The following ZDHHC11B variants were observed in gnomAD, a reference collection of about 807,000 sequenced individuals.
ZDHHC11B encodes zDHHC palmitoyltransferase 11B (putative).
ZDHHC11B carries 17 observed loss-of-function variants against 42.3 expected under a neutral mutation model. That is an observed-to-expected ratio of 0.40 (90% CI 0.27 to 0.60). The LOEUF is 0.60. Among genes scored for constraint, ZDHHC11B ranks in the 20% least tolerant of loss-of-function variants. ZDHHC11B has a pLI of 0.41. For synonymous variants in ZDHHC11B, 123 were observed against 193.5 expected, an observed-to-expected ratio of 0.64 and a Z score of 3.02; for missense variants, 262 against 463.2, an observed-to-expected ratio of 0.57 and a Z score of 3.99.
intron 1 of ZDHHC11B, among the ~76,000 whole-genome samples, chr5:780,655 G>T (rs1706560840): frequency 7.2e-6 from 1 of 138,586 alleles, no homozygotes; most frequent in Non-Finnish European, 1.5e-5. Context: ...ACTGCAGGTG[G>T]GCTGTGCCAG....
intron 3 of ZDHHC11B, 146 bp downstream of exon 3, chr5:767,246 G>T: frequency 9.7e-7 from 1 of 1,034,750 alleles, no homozygotes; most frequent in Non-Finnish European, 1.4e-6. Context: ...GTGGATGACT[G>T]AAAGCAACGG....
At chr5:765,854 G>T (rs1309090781) in intron 4 of ZDHHC11B, among the ~76,000 whole-genome samples, 1 of 151,924 alleles carries the variant, frequency 6.6e-6, no homozygotes, top group Non-Finnish European at 1.5e-5. Flanking sequence ...GCGAGGGTCT[G>T]CGGCTTCATT....
chr5:720,116 T>G lies in ZDHHC11B; in HGVS notation c.1059-3251A>C, dbSNP rs1478835900. ...GAGACTACTCTATTTAAAGAAATAA[T>G]GGCTGAAAACTTTCCAAATCTAATT... On this transcript the variant is annotated intron_variant, in intron 12 of 13. Coordinates refer to ENST00000508859, the MANE Select transcript of ZDHHC11B (RefSeq NM_001351303.2). 1.3e-5 allele frequency among the ~76,000 whole-genome samples: 2 copies of G among 151,770 alleles called. 1 individual carries two copies. Among genetic ancestry groups the G allele is most frequent in the Non-Finnish European group, 2.9e-5 (2 of 67,984 alleles).
At chr5:765,721 C>A (rs533784578) in intron 4 of ZDHHC11B, among the ~76,000 whole-genome samples, 3 of 151,930 alleles carry the variant, frequency 2.0e-5, no homozygotes, top group Non-Finnish European at 4.4e-5. Flanking sequence ...CAGTGAAGGT[C>A]TGCAGCTTCA....
intron 6 of ZDHHC11B, among the ~76,000 whole-genome samples, chr5:754,579 TG>T (rs1746340224): frequency 8.3e-6 from 1 of 119,854 alleles, no homozygotes; most frequent in African/African-American, 2.9e-5. Context: ...ACCTCTCATC[TG>T]TGAGCCTCCA....
intron 9 of ZDHHC11B, among the ~76,000 whole-genome samples, chr5:744,742 A>G (rs1374742982): frequency 4.0e-5 from 6 of 148,236 alleles, no homozygotes; most frequent in Non-Finnish European, 6.0e-5. Context: ...GTAGTGGCAT[A>G]CATCTGCGAT....
chr5:777,198 T>C (rs1256508591), intron 1 of ZDHHC11B, among the ~76,000 whole-genome samples: 1 of 151,878 alleles, frequency 6.6e-6, no homozygotes, highest in Non-Finnish European at 1.5e-5. Context: ...TCTCGCTGAC[T>C]TTAGGAGTGA....
At chr5:756,312 G>A (rs1733826109) in intron 4 of ZDHHC11B, among the ~76,000 whole-genome samples, 168 bp from the exon 5 acceptor site, 1 of 151,500 alleles carries the variant, frequency 6.6e-6, no homozygotes, top group Admixed American at 6.6e-5. Flanking sequence ...ACATGGCCCT[G>A]CTTGTCCAGT....
intron 12 of ZDHHC11B, among the ~76,000 whole-genome samples, chr5:721,408 A>G (rs1742176933): frequency 6.6e-6 from 1 of 151,612 alleles, no homozygotes; most frequent in Admixed American, 6.6e-5. Context: ...CTTTTTAATT[A>G]AAAGTCAGAG....
chr5:756,461 G>A (rs1203789948), intron 4 of ZDHHC11B, among the ~76,000 whole-genome samples: 2 of 151,832 alleles, frequency 1.3e-5, no homozygotes, highest in Admixed American at 6.6e-5. Context: ...TGCACACACA[G>A]CCCTGTGCCA....
chr5:750,054 T>A lies in ZDHHC11B; in HGVS notation c.628+1079A>T, dbSNP rs368828023. 1.1e-3 allele frequency among the ~76,000 whole-genome samples: 119 copies of A among 106,220 alleles called. 1 individual carries two copies. The highest frequency in any genetic ancestry group is 3.9e-3 in the African/African-American group (117 of 30,316). 69.7% of individuals were successfully genotyped at this position (106,220 alleles called of 152,430 possible). ...GTCACACCGTGTTGGCTCCGGAATG[T>A]TCTGGAACAAGGGCAGGCAAGTCCT... On this transcript the variant is annotated intron_variant, in intron 7 of 13. Coordinates refer to ENST00000508859, the MANE Select transcript of ZDHHC11B (RefSeq NM_001351303.2).
intron 4 of ZDHHC11B, among the ~76,000 whole-genome samples, chr5:757,366 G>A (rs1012930977): frequency 6.6e-6 from 1 of 151,976 alleles, no homozygotes; most frequent in Non-Finnish European, 1.5e-5. Flanking sequence ...GATTTTAGCA[G>A]AAGGCTGCCA....
At chr5:717,870 G>T (rs966224265) in intron 12 of ZDHHC11B, among the ~76,000 whole-genome samples, 1 of 151,710 alleles carries the variant, frequency 6.6e-6, no homozygotes, top group African/African-American at 2.4e-5. Context: ...AGGCTGAGCG[G>T]CCAGGCAGTG....
rs1385011475 is a variant in ZDHHC11B at position 716,841 on chromosome 5, G to A, written c.1083C>T (p.Pro361=). The change falls in exon 13 of 14, where the codon CCC becomes CCT. Residue 361 remains proline (P), a synonymous_variant. Coordinates refer to ENST00000508859, the MANE Select transcript of ZDHHC11B (RefSeq NM_001351303.2). The part of the protein sequence containing the change: ...TLGLQQETTE[P]MKTDSAESED ...CACTTTCAGCACTGTCAGTTTTCAT[G>A]GGCTCTGTTGTTTCTTGTTGCAGCC... is the stretch of plus-strand genomic sequence containing the variant. 1 of 1,613,134 alleles carries A rather than the reference G, an allele frequency of 6.2e-7. No homozygotes were observed. The highest frequency in any genetic ancestry group is 2.2e-5 in the East Asian group (1 of 44,858).
At chr5:775,661 C>T (rs7729935) in intron 1 of ZDHHC11B, among the ~76,000 whole-genome samples, 4,508 of 149,144 alleles carry the variant, frequency 0.03, 43 homozygotes, top group African/African-American at 0.11. Context: ...GATTTGGAGG[C>T]CTGGGGCCTG....
chr5:714,524 C>T (rs58277136), intron 13 of ZDHHC11B, among the ~76,000 whole-genome samples: 22,232 of 86,320 alleles, frequency 0.26, 1,352 homozygotes, highest in African/African-American at 0.37. Context: ...TAATTCATTT[C>T]GAAAGCACCC....
intron 1 of ZDHHC11B, among the ~76,000 whole-genome samples, 77 bp downstream of exon 1, chr5:784,591 G>A (rs1207996195): frequency 1.3e-5 from 2 of 152,218 alleles, no homozygotes; most frequent in East Asian, 3.9e-4. Flanking sequence ...GGTGGCTGCT[G>A]GGGCTGACGG....
rs1212136330 is a variant in ZDHHC11B at position 720,250 on chromosome 5, C to T, written c.1059-3385G>A. Among the ~76,000 whole-genome samples the T allele has an allele frequency of 8.6e-5, 13 of 151,856 alleles. 1 individual carries two copies. The highest frequency in any genetic ancestry group is 2.0e-4 in the Admixed American group (3 of 15,248). On this transcript the variant is annotated intron_variant, in intron 12 of 13. Coordinates refer to ENST00000508859, the MANE Select transcript of ZDHHC11B (RefSeq NM_001351303.2). ...AGTTAGATTGTCAAGGCATAGACAACGAGAGAATTTTGAAGGCAGGCAGAG... is the reference window on the plus strand; with the variant it reads ...AGTTAGATTGTCAAGGCATAGACAATGAGAGAATTTTGAAGGCAGGCAGAG...
chr5:730,580 C>G, intron 11 of ZDHHC11B, 112 bp from the exon 12 acceptor site: 2 of 1,146,890 alleles, frequency 1.7e-6, no homozygotes, highest in Non-Finnish European at 2.4e-6. Context: ...AGTAATGGTA[C>G]TTCAAGAATG....
Sources: allele counts gnomAD v4.1 joint callset (sites outside exome capture counted in the v4.1 genomes callset), GRCh38; gene constraint gnomAD v4.1.1; transcripts MANE v1.5; gene names NCBI Gene and HGNC (gene_info 2026-07-23, HGNC 2026-07-21).